The following TRAPPC9 variants were observed in gnomAD, a reference collection of about 807,000 sequenced individuals.
TRAPPC9 encodes trafficking protein particle complex subunit 9, also known as IKK2 binding protein.
A neutral mutation model predicts 124.0 loss-of-function variants in TRAPPC9; 83 were observed. The observed-to-expected ratio is 0.67, with a 90% CI of 0.56 to 0.80. The LOEUF is 0.80. Among genes scored for constraint, TRAPPC9 ranks in the 30% least tolerant of loss-of-function variants. The pLI, the probability that TRAPPC9 is intolerant of heterozygous loss-of-function variation, is 0.00. For missense variants in TRAPPC9, 1,302 were observed against 1,508.3 expected (o/e 0.86, Z 2.27); for synonymous variants, 638 against 617.5 (o/e 1.03, Z -0.49).
At chr8:139,861,432 G>A (rs1195841999) in intron 21 of TRAPPC9, among the ~76,000 whole-genome samples, 1 of 152,176 alleles carries the variant, frequency 6.6e-6, no homozygotes, top group Non-Finnish European at 1.5e-5. Flanking sequence ...GGTCAGAGCA[G>A]GTGACCAGGA....
intron 9 of TRAPPC9, among the ~76,000 whole-genome samples, chr8:140,330,704 G>C (rs1024180775): frequency 2.0e-4 from 31 of 152,066 alleles, no homozygotes; most frequent in Non-Finnish European, 3.8e-4. Context: ...ATGCCCAGAA[G>C]AAGAAATTAT....
At chr8:140,038,047 G>T (rs1307697490) in intron 17 of TRAPPC9, among the ~76,000 whole-genome samples, 1 of 149,512 alleles carries the variant, frequency 6.7e-6, no homozygotes, top group Non-Finnish European at 1.5e-5. Context: ...AGAAGACTAA[G>T]AAACTCTCTC....
intron 4 of TRAPPC9, among the ~76,000 whole-genome samples, chr8:140,430,695 G>C (rs550750967): frequency 3.9e-5 from 6 of 152,298 alleles, no homozygotes; most frequent in African/African-American, 1.4e-4. Flanking sequence ...CTGGAGTGCA[G>C]TGGCAGAATC....
intron 17 of TRAPPC9, among the ~76,000 whole-genome samples, chr8:140,153,057 T>G (rs1391524913): frequency 6.6e-6 from 1 of 152,210 alleles, no homozygotes; most frequent in African/African-American, 2.4e-5. Context: ...CCTTTATTTC[T>G]AATGAGACTT....
chr8:140,230,646 C>T (rs1469833584), intron 16 of TRAPPC9, among the ~76,000 whole-genome samples: 3 of 151,860 alleles, frequency 2.0e-5, no homozygotes, highest in East Asian at 1.9e-4. Context: ...GGTTGACACA[C>T]GCCTGTAATC....
chr8:139,970,188 T>A (rs888919310), intron 19 of TRAPPC9, among the ~76,000 whole-genome samples: 40 of 152,176 alleles, frequency 2.6e-4, no homozygotes, highest in African/African-American at 9.2e-4. Context: ...GCGCCAGCGA[T>A]GCCCAAAGAG....
chr8:140,443,131 CAAAA>C lies in TRAPPC9; in HGVS notation c.585-3938_585-3935del, dbSNP rs1177286944. ...CTGGCAACGGAGCGAGACTCCATCT[CAAAA>C]AAAAAAAAAAAAAAAAAAAGCCAGG... On this transcript the variant is annotated intron_variant, in intron 2 of 22. Coordinates refer to ENST00000438773, the MANE Select transcript of TRAPPC9 (RefSeq NM_001160372.4). 5.9e-4 allele frequency among the ~76,000 whole-genome samples: 26 copies of C among 43,986 alleles called. No individual in the cohort carries two copies. In the East Asian group the frequency reaches 9.1e-3, roughly 15 times the overall value. The allele number at this position is 43,986 out of a possible 152,430, so 28.9% of individuals were successfully genotyped here. A position where few individuals can be genotyped will look rare whatever the true frequency, so the allele number is the denominator to read the frequency against.
chr8:139,999,782 T>G (rs1240844055), intron 18 of TRAPPC9, among the ~76,000 whole-genome samples: 1 of 152,212 alleles, frequency 6.6e-6, no homozygotes, highest in African/African-American at 2.4e-5. Flanking sequence ...TAACTCCAAC[T>G]ATCTGGAAAT....
chr8:140,139,783 G>T (rs141730652), intron 17 of TRAPPC9, among the ~76,000 whole-genome samples: 1 of 152,072 alleles, frequency 6.6e-6, no homozygotes. Flanking sequence ...CAGGGGCACC[G>T]CAGGAGGCCC....
intron 11 of TRAPPC9, among the ~76,000 whole-genome samples, chr8:140,294,479 A>T (rs1433593256): frequency 6.6e-6 from 1 of 152,216 alleles, no homozygotes; most frequent in Non-Finnish European, 1.5e-5. Context: ...GATGATGATG[A>T]TGATGATAAT....
At chr8:139,852,390 A>G (rs77892234) in intron 21 of TRAPPC9, among the ~76,000 whole-genome samples, 1,690 of 152,284 alleles carry the variant, frequency 0.011, 22 homozygotes, top group African/African-American at 0.038. Flanking sequence ...GTACCGGATC[A>G]TGAATTCATG....
At chr8:139,889,581 G>A (rs1830209660) in intron 20 of TRAPPC9, among the ~76,000 whole-genome samples, 1 of 152,178 alleles carries the variant, frequency 6.6e-6, no homozygotes, top group South Asian at 2.1e-4. Context: ...ATGGCTGCAT[G>A]ATAATTTGAA....
At chr8:140,233,472 G>A (rs1399526790) in intron 16 of TRAPPC9, among the ~76,000 whole-genome samples, 1 of 151,930 alleles carries the variant, frequency 6.6e-6, no homozygotes, top group Non-Finnish European at 1.5e-5. Flanking sequence ...TCAAAGTACT[G>A]GGATTACAGG....
At chr8:140,383,139 C>T (rs1405836720) in intron 7 of TRAPPC9, among the ~76,000 whole-genome samples, 1 of 152,182 alleles carries the variant, frequency 6.6e-6, no homozygotes, top group East Asian at 1.9e-4. Flanking sequence ...ACAGAAAGGA[C>T]ATCCACATCA....
chr8:140,009,336 T>G (rs527454220), intron 18 of TRAPPC9, among the ~76,000 whole-genome samples: 2 of 152,226 alleles, frequency 1.3e-5, no homozygotes, highest in African/African-American at 4.8e-5. Context: ...CAGCTTACTA[T>G]GCTCATTTTA....
chr8:139,848,621 G>A (rs1333104711), intron 21 of TRAPPC9, among the ~76,000 whole-genome samples: 1 of 152,048 alleles, frequency 6.6e-6, no homozygotes, highest in Non-Finnish European at 1.5e-5. Flanking sequence ...CAAATGTATA[G>A]ATACAGCTCT....
chr8:140,027,436 A>C (rs868456656), intron 17 of TRAPPC9, among the ~76,000 whole-genome samples: 1 of 152,198 alleles, frequency 6.6e-6, no homozygotes, highest in South Asian at 2.1e-4. Flanking sequence ...GGTAAACTTA[A>C]AAGTCACCTA....
chr8:139,948,297 T>A (rs1240074398), intron 19 of TRAPPC9, among the ~76,000 whole-genome samples: 3 of 142,046 alleles, frequency 2.1e-5, no homozygotes, highest in East Asian at 2.1e-4. Flanking sequence ...ACACACACAC[T>A]GTGACGTACA....
chr8:140,401,007 T>C (rs1310383910), intron 6 of TRAPPC9, among the ~76,000 whole-genome samples: 1 of 152,232 alleles, frequency 6.6e-6, no homozygotes, highest in East Asian at 1.9e-4. Flanking sequence ...AAAGGGTTTA[T>C]AGAGGTTGTC....
Sources: allele counts gnomAD v4.1 joint callset (sites outside exome capture counted in the v4.1 genomes callset), GRCh38; gene constraint gnomAD v4.1.1; transcripts MANE v1.5; gene names NCBI Gene and HGNC (gene_info 2026-07-23, HGNC 2026-07-21).